The following UNC5B variants were observed in gnomAD, a reference collection of about 807,000 sequenced individuals.
The protein encoded by UNC5B is netrin receptor UNC5B.
In UNC5B, 56 loss-of-function variants were observed where a neutral mutation model predicts 103.7. That is an observed-to-expected ratio of 0.54 (90% CI 0.44 to 0.67). The LOEUF (loss-of-function observed/expected upper bound fraction) is 0.67, where lower values mean the gene tolerates loss of function less well. Among genes scored for constraint, UNC5B ranks in the 30% least tolerant of loss-of-function variants. The probability of loss-of-function intolerance (pLI) is 0.00; values close to 1 mark genes in which losing one functional copy is unlikely to be tolerated. For synonymous variants in UNC5B, 577 were observed against 542.0 expected (o/e 1.06, Z -0.90); for missense variants, 1,194 against 1,284.5 (o/e 0.93, Z 1.08).
Position 71,293,496 on chromosome 10 carries a change from A to G in UNC5B, c.1864A>G (p.Met622Val), listed in dbSNP as rs1845321160. ...GCTGTGCCGCCCCGTCATCCTCACCATGCCCCACTGTGCCGAAGTCAGTGC... is the reference window on the plus strand; with the variant it reads ...GCTGTGCCGCCCCGTCATCCTCACCGTGCCCCACTGTGCCGAAGTCAGTGC... ...LLLCRPVILT[M>V]PHCAEVSARD... Residue 622 changes from methionine (M) to valine (V), a missense_variant, in exon 12 of 17, where the codon ATG (methionine) becomes GTG (valine). Physicochemically the swap from Met to Val is conservative, Grantham distance 21 (BLOSUM62 1). Coordinates refer to ENST00000335350, the MANE Select transcript of UNC5B (RefSeq NM_170744.5). The G allele has an allele frequency of 3.7e-6, 6 of 1,613,932 alleles. No homozygotes were observed. The highest frequency in any genetic ancestry group is 5.1e-6 in the Non-Finnish European group (6 of 1,179,984).
chr10:71,291,686 C>A lies in UNC5B; in HGVS notation c.1549C>A (p.Arg517=). The A allele has an allele frequency of 6.2e-7, 1 of 1,613,488 alleles. No homozygotes were observed. Among genetic ancestry groups the A allele is most frequent in the Non-Finnish European group, 8.5e-7 (1 of 1,180,040 alleles). Reference sequence around the variant, plus strand: ...TGGCACATACCCTAGCGATTTCGCCCGGGACACCCACTTCCTGCACCTGCG... The same window carrying A: ...TGGCACATACCCTAGCGATTTCGCCAGGGACACCCACTTCCTGCACCTGCG... The part of the protein sequence containing the change: ...PPGTYPSDFA[R]DTHFLHLRSA... Residue 517 remains arginine, a synonymous_variant, in exon 10 of 17, where the codon CGG becomes AGG. Transcript: ENST00000335350.
At chr10:71,221,780 T>C (rs1028082382) in intron 1 of UNC5B, among the ~76,000 whole-genome samples, 1 of 152,214 alleles carries the variant, frequency 6.6e-6, no homozygotes, top group African/African-American at 2.4e-5. Flanking sequence ...TGCAGTCACA[T>C]TACTTGGGTT....
chr10:71,254,296 GT>G (rs1844242073), intron 1 of UNC5B, among the ~76,000 whole-genome samples: 1 of 152,344 alleles, frequency 6.6e-6, no homozygotes, highest in East Asian at 1.9e-4. Context: ...CGTGGTAATT[GT>G]TTTACCCACT....
At chr10:71,230,712 A>T (rs879163375) in intron 1 of UNC5B, among the ~76,000 whole-genome samples, 2 of 152,200 alleles carry the variant, frequency 1.3e-5, no homozygotes, top group Non-Finnish European at 2.9e-5. Context: ...TCCAAATTCC[A>T]TGGCCTTATC....
At chr10:71,283,527 C>T (rs549257188) in intron 2 of UNC5B, among the ~76,000 whole-genome samples, 13 of 152,296 alleles carry the variant, frequency 8.5e-5, no homozygotes, top group Non-Finnish European at 2.9e-5. Flanking sequence ...GCTGTGCGTA[C>T]CTTAACAATC....
At chr10:71,224,083 C>T (rs1226654305) in intron 1 of UNC5B, among the ~76,000 whole-genome samples, 2 of 152,226 alleles carry the variant, frequency 1.3e-5, no homozygotes, top group Non-Finnish European at 2.9e-5. Context: ...GCTCACTGGT[C>T]CTTGTCAGGA....
chr10:71,221,219 C>G (rs1201737958), intron 1 of UNC5B, among the ~76,000 whole-genome samples: 1 of 152,192 alleles, frequency 6.6e-6, no homozygotes, highest in East Asian at 1.9e-4. Context: ...ATAAGCATTT[C>G]CTGCTTCAGA....
intron 1 of UNC5B, among the ~76,000 whole-genome samples, chr10:71,261,524 G>A (rs1015862066): frequency 2.6e-5 from 4 of 152,224 alleles, no homozygotes; most frequent in African/African-American, 4.8e-5. Flanking sequence ...TCCCTGAGAC[G>A]TCAGTGGAAA....
chr10:71,249,859 G>T (rs1844133653), intron 1 of UNC5B, among the ~76,000 whole-genome samples: 1 of 152,196 alleles, frequency 6.6e-6, no homozygotes, highest in Admixed American at 6.5e-5. Context: ...ACGTATCCCA[G>T]TGCCATGAGG....
intron 1 of UNC5B, among the ~76,000 whole-genome samples, chr10:71,245,173 C>T (rs892170773): frequency 1.3e-5 from 2 of 152,180 alleles, no homozygotes; most frequent in African/African-American, 4.8e-5. Flanking sequence ...TCCTACATGA[C>T]GTGTGCTCTC....
intron 1 of UNC5B, among the ~76,000 whole-genome samples, chr10:71,277,006 TG>T (rs1023461411): frequency 6.6e-6 from 1 of 152,180 alleles, no homozygotes; most frequent in Non-Finnish European, 1.5e-5. Context: ...GCACCAGGGC[TG>T]AGAGGAGGGG....
intron 1 of UNC5B, among the ~76,000 whole-genome samples, chr10:71,271,953 C>A (rs542992381): frequency 6.6e-6 from 1 of 152,130 alleles, no homozygotes; most frequent in Non-Finnish European, 1.5e-5. Flanking sequence ...TCATCGGTAA[C>A]GGCCATTGTG....
intron 1 of UNC5B, among the ~76,000 whole-genome samples, chr10:71,264,131 C>T (rs1039567398): frequency 6.6e-6 from 1 of 152,180 alleles, no homozygotes; most frequent in African/African-American, 2.4e-5. Flanking sequence ...GCAAACCTGG[C>T]TTAGAATCTT....
intron 13 of UNC5B, among the ~76,000 whole-genome samples, chr10:71,295,515 A>G (rs903549027): frequency 1.3e-5 from 2 of 151,948 alleles, no homozygotes; most frequent in African/African-American, 4.8e-5. Context: ...ATCCATCTGT[A>G]TATTCATCTG....
At chr10:71,229,869 G>A (rs1336035704) in intron 1 of UNC5B, among the ~76,000 whole-genome samples, 2 of 152,238 alleles carry the variant, frequency 1.3e-5, no homozygotes, top group East Asian at 3.9e-4. Flanking sequence ...TGCCATCTCT[G>A]GCTGTCCCAC....
intron 1 of UNC5B, among the ~76,000 whole-genome samples, chr10:71,227,633 T>C (rs1843593238): frequency 7.0e-6 from 1 of 143,058 alleles, no homozygotes; most frequent in African/African-American, 2.6e-5. Context: ...TATATACATA[T>C]ATATACACAT....
At position 71,286,767 on chromosome 10, in the gene UNC5B, A is replaced by G. The variant is rs1317244188; in HGVS notation, c.631A>G (p.Ile211Val). Reference protein sequence around the residue: ...NFLLTIDHNLIIRQARLSDTA... With the variant: ...NFLLTIDHNLVIRQARLSDTA... The stretch of plus-strand genomic sequence containing the variant: ...CCTGCTCACCATCGACCACAACCTC[A>G]TCATCCGCCAGGCCCGCCTGTCGGA... Residue 211 changes from isoleucine (I) to valine (V), a missense_variant, in exon 5 of 17, where the codon ATC becomes GTC. Ile to Val is a conservative substitution (Grantham distance 29). Coordinates refer to ENST00000335350, the MANE Select transcript of UNC5B (RefSeq NM_170744.5). 2 of 1,613,490 alleles carry G rather than the reference A, an allele frequency of 1.2e-6. No homozygotes were observed. Among genetic ancestry groups the G allele is most frequent in the Non-Finnish European group, 8.5e-7 (1 of 1,179,546 alleles).
At chr10:71,246,300 G>C (rs1436981990) in intron 1 of UNC5B, among the ~76,000 whole-genome samples, 1 of 152,182 alleles carries the variant, frequency 6.6e-6, no homozygotes, top group Admixed American at 6.5e-5. Flanking sequence ...GAAAGGCGGA[G>C]GACCCCAAGG....
intron 2 of UNC5B, among the ~76,000 whole-genome samples, chr10:71,283,216 G>C (rs1289495244): frequency 6.6e-6 from 1 of 152,190 alleles, no homozygotes; most frequent in Non-Finnish European, 1.5e-5. Context: ...GCTTGCTAGG[G>C]GACTTGGTGC....
Sources: gnomAD v4.1 joint callset for allele counts (sites outside exome capture counted in the v4.1 genomes callset) on GRCh38, gnomAD v4.1.1 for gene constraint, MANE v1.5 for transcripts, NCBI Gene and HGNC (gene_info 2026-07-23, HGNC 2026-07-21) for gene names.